The following ANAPC11 variants were observed in gnomAD, a reference collection of about 807,000 sequenced individuals.
ANAPC11 encodes the protein anaphase-promoting complex subunit 11.
Under a neutral mutation model 11.8 loss-of-function variants are expected in ANAPC11, and 5 were observed. The observed-to-expected ratio is 0.42, with a 90% CI of 0.22 to 0.89. The LOEUF (loss-of-function observed/expected upper bound fraction) is 0.89. Among genes scored for constraint, ANAPC11 ranks in the 40% least tolerant of loss-of-function variants. The pLI, the probability that ANAPC11 is intolerant of heterozygous loss-of-function variation, is 0.28. For synonymous variants in ANAPC11, 45 were observed against 41.0 expected (o/e 1.10, Z -0.38); for missense variants, 68 against 112.9 (o/e 0.60, Z 1.80).
intron 3 of ANAPC11, chr17:81,898,948 C>G: frequency 2.1e-6 from 1 of 473,074 alleles, no homozygotes; most frequent in Non-Finnish European, 3.8e-6. Context: ...CAGGCTTCAG[C>G]TCTCATTTGA....
chr17:81,899,801 G>A, intron 3 of ANAPC11, 119 bp from the exon 4 acceptor site: 1 of 1,096,994 alleles, frequency 9.1e-7, no homozygotes, highest in African/African-American at 1.6e-5. Flanking sequence ...TCTGAAACAT[G>A]AGAGGCTGCA....
intron 2 of ANAPC11, 109 bp from the exon 3 acceptor site, chr17:81,894,358 C>T (rs1373771181): frequency 4.0e-6 from 2 of 501,810 alleles, no homozygotes; most frequent in South Asian, 7.3e-5. Flanking sequence ...TGCCTTGGCC[C>T]CCTGAGTAGC....
intron 3 of ANAPC11, chr17:81,899,014 C>A: frequency 1.7e-6 from 1 of 591,910 alleles, no homozygotes; most frequent in Non-Finnish European, 3.0e-6. Flanking sequence ...CGGGCAGGTC[C>A]TCCCAGGGCT....
chr17:81,891,660 C>T, upstream of ANAPC11: 3 of 1,224,938 alleles, frequency 2.4e-6, no homozygotes, highest in East Asian at 4.8e-5. Flanking sequence ...GGCCTCGGAG[C>T]GGCTGCTGAT....
chr17:81,900,531 C>G (rs1047982396), downstream of ANAPC11: 1 of 219,938 alleles, frequency 4.5e-6, no homozygotes, highest in African/African-American at 2.4e-5. Context: ...GCGGCCACTG[C>G]TTGTGGCGCC....
chr17:81,896,641 A>C (rs1339895264), intron 3 of ANAPC11, among the ~76,000 whole-genome samples: 1 of 152,012 alleles, frequency 6.6e-6, no homozygotes, highest in African/African-American at 2.4e-5. Context: ...CACTACCCCA[A>C]GTAACCAGGC....
intron 3 of ANAPC11, among the ~76,000 whole-genome samples, chr17:81,895,678 A>C (rs2039718249): frequency 4.6e-5 from 7 of 152,052 alleles, no homozygotes; most frequent in Admixed American, 4.6e-4. Context: ...TCACAGGGTC[A>C]AGAGATCAAG....
intron 3 of ANAPC11, chr17:81,899,586 C>A: frequency 6.3e-7 from 1 of 1,586,722 alleles, no homozygotes; most frequent in South Asian, 1.1e-5. Context: ...ACAGGGGACA[C>A]AGGGTGGGCT....
At chr17:81,894,311 A>G (rs2039656451) in intron 2 of ANAPC11, 156 bp from the exon 3 acceptor site, 1 of 409,236 alleles carries the variant, frequency 2.4e-6, no homozygotes, top group East Asian at 3.5e-5. Flanking sequence ...GATGTTTCCC[A>G]GGCTGGGTTC....
At position 81,900,121 on chromosome 17, in the gene ANAPC11, G is replaced by T. The variant is rs760201654; in HGVS notation, c.*56G>T. ...CCTGAGACTCCTTCCTCATGCTGGCGCCGATGGCTGCTGGGGACAGCGCCC... is the reference window on the plus strand; with the variant it reads ...CCTGAGACTCCTTCCTCATGCTGGCTCCGATGGCTGCTGGGGACAGCGCCC... On this transcript the variant is annotated 3_prime_UTR_variant, in exon 4 of 4. Coordinates refer to ENST00000344877, the MANE Select transcript of ANAPC11 (RefSeq NM_001002248.3). The T allele has an allele frequency of 1.2e-6, 2 of 1,604,194 alleles. No homozygotes were observed. The highest frequency in any genetic ancestry group is 2.2e-5 in the South Asian group (2 of 89,538).
At chr17:81,891,537 G>T, upstream of ANAPC11, 1 of 1,436,956 alleles carries the variant, frequency 7.0e-7, no homozygotes, top group Non-Finnish European at 9.1e-7. Flanking sequence ...GTCGTCCAGA[G>T]ACATGTCCAT....
downstream of ANAPC11, chr17:81,900,459 C>T (rs1040846470): frequency 1.9e-4 from 48 of 247,288 alleles, no homozygotes; most frequent in African/African-American, 9.9e-4. Context: ...GCTGGATTGC[C>T]GGCGGCGGCC....
chr17:81,891,631 T>C, upstream of ANAPC11: 1 of 1,325,006 alleles, frequency 7.5e-7, no homozygotes. Context: ...CGGCGCCGCG[T>C]GAGGCCTTCC....
chr17:81,894,874 T>C, intron 3 of ANAPC11: 1 of 330,600 alleles, frequency 3.0e-6, no homozygotes, highest in Non-Finnish European at 5.4e-6. Context: ...TGTGCCACCA[T>C]GCTGGGCTAA....
chr17:81,892,024 C>A, intron 1 of ANAPC11, 183 bp downstream of exon 1: 1 of 153,654 alleles, frequency 6.5e-6, no homozygotes, highest in South Asian at 1.9e-4. Flanking sequence ...TTTCCGCTCC[C>A]GCCCAGGACT....
intron 3 of ANAPC11, chr17:81,898,254 C>T (rs1009383336): frequency 1.3e-5 from 2 of 152,276 alleles, no homozygotes; most frequent in Non-Finnish European, 2.9e-5. Flanking sequence ...CTGGCTGCAT[C>T]CGTGGGCCAG....
chr17:81,893,076 T>G (rs577009684), intron 1 of ANAPC11: 1 of 151,592 alleles, frequency 6.6e-6, no homozygotes, highest in South Asian at 2.1e-4. Flanking sequence ...TGGTGCGATC[T>G]CGGCTCACTG....
downstream of ANAPC11, chr17:81,900,264 C>T (rs542046076): frequency 2.1e-4 from 164 of 764,482 alleles, no homozygotes; most frequent in Non-Finnish European, 3.0e-4. Flanking sequence ...TGCTGGAGGC[C>T]TCTGGGTGCC....
chr17:81,891,059 C>T (rs1050258080), upstream of ANAPC11: 20 of 684,020 alleles, frequency 2.9e-5, no homozygotes, highest in Non-Finnish European at 4.3e-5. Flanking sequence ...CGCCCAGCGT[C>T]CCCTCCTCTC....
Sources: gnomAD v4.1 joint callset for allele counts (sites outside exome capture counted in the v4.1 genomes callset) on GRCh38, gnomAD v4.1.1 for gene constraint, MANE v1.5 for transcripts, NCBI Gene and HGNC (gene_info 2026-07-23, HGNC 2026-07-21) for gene names.